DPP10: variants seen among roughly 807,000 people sequenced by gnomAD.
The protein encoded by DPP10 is inactive dipeptidyl peptidase 10.
Under a neutral mutation model 120.9 loss-of-function variants are expected in DPP10, and 33 were observed. The observed-to-expected ratio is 0.27, with a 90% CI of 0.21 to 0.37. The LOEUF is 0.37. Ranked by LOEUF, DPP10 falls within the 10% of genes least tolerant of loss-of-function variation. The pLI, the probability that DPP10 is intolerant of heterozygous loss-of-function variation, is 1.00. For missense variants in DPP10, 816 were observed against 942.8 expected (o/e 0.87, Z 1.76); for synonymous variants, 337 against 326.1 (o/e 1.03, Z -0.36).
intron 21 of DPP10, among the ~76,000 whole-genome samples, chr2:115,826,237 A>C (rs1688301592): frequency 6.6e-6 from 1 of 152,224 alleles, no homozygotes; most frequent in South Asian, 2.1e-4. Context: ...GTTGAGGCCT[A>C]GTGCAGTAGC....
At chr2:115,493,334 G>A (rs1202065282) in intron 3 of DPP10, among the ~76,000 whole-genome samples, 3 of 151,804 alleles carry the variant, frequency 2.0e-5, no homozygotes, top group Admixed American at 6.6e-5. Context: ...TTGAGGGAGA[G>A]TAGAGCCAAA....
chr2:114,631,949 G>A (rs533600380), intron 1 of DPP10, among the ~76,000 whole-genome samples: 10 of 151,962 alleles, frequency 6.6e-5, no homozygotes, highest in Non-Finnish European at 8.8e-5. Context: ...TATTCCATTC[G>A]TTGCTTTTTA....
At chr2:115,032,281 A>T (rs1703896130) in intron 1 of DPP10, among the ~76,000 whole-genome samples, 1 of 152,094 alleles carries the variant, frequency 6.6e-6, no homozygotes, top group African/African-American at 2.4e-5. Context: ...ATGTCACAGC[A>T]GCTGCATTTT....
intron 1 of DPP10, among the ~76,000 whole-genome samples, chr2:114,976,648 T>G (rs565559105): frequency 1.3e-5 from 2 of 152,204 alleles, no homozygotes; most frequent in African/African-American, 2.4e-5. Context: ...AACAGCATAC[T>G]TTTTCCCCCT....
intron 1 of DPP10, among the ~76,000 whole-genome samples, chr2:114,469,052 C>T (rs140079886): frequency 0.032 from 4,925 of 152,160 alleles, 162 homozygotes; most frequent in Admixed American, 0.094. Flanking sequence ...GTTTGTTTTT[C>T]GATAGGCATG....
chr2:115,255,512 A>G (rs1008926930), intron 1 of DPP10, among the ~76,000 whole-genome samples: 5 of 152,148 alleles, frequency 3.3e-5, no homozygotes, highest in African/African-American at 1.2e-4. Context: ...AATTTCTGTA[A>G]CCAGCTTTAA....
Position 115,753,223 on chromosome 2 carries a change from G to A in DPP10, c.1000G>A (p.Val334Ile). 1.9e-6 allele frequency: 3 copies of A among 1,612,136 alleles called. No homozygotes were observed. Among genetic ancestry groups the A allele is most frequent in the Non-Finnish European group, 2.5e-6 (3 of 1,178,724 alleles). The change falls in exon 11 of 26, where the codon GTA becomes ATA. Residue 334 changes from valine to isoleucine, a missense_variant. By Grantham distance (29) the Val-to-Ile change is conservative. This residue lies in a region of DPP10 where 592 missense variants were observed against 649.0 expected (regional missense o/e 0.91). Transcript: ENST00000410059. ...VKWVSNTKTVVRWLNRAQNIS... is the reference protein window; with the variant it reads ...VKWVSNTKTVIRWLNRAQNIS... ...ATGGGTAAGCAATACCAAGACTGTG[G>A]TAAGATGGTTAAACCGAGCTCAGAA... is the stretch of plus-strand genomic sequence containing the variant.
At chr2:115,692,210 C>T (rs1031170058) in intron 7 of DPP10, among the ~76,000 whole-genome samples, 1 of 14,816 alleles carries the variant, frequency 6.7e-5, no homozygotes, top group East Asian at 5.9e-3. Context: ...TTAAGTTTTA[C>T]AATTTTTTTT....
At chr2:115,323,085 A>T (rs1411301154) in intron 2 of DPP10, among the ~76,000 whole-genome samples, 9 of 152,186 alleles carry the variant, frequency 5.9e-5, no homozygotes, top group Non-Finnish European at 1.2e-4. Flanking sequence ...TATCCATAGC[A>T]TGCACTGCTG....
chr2:114,562,818 C>A (rs2104954267), intron 1 of DPP10, among the ~76,000 whole-genome samples: 1 of 152,160 alleles, frequency 6.6e-6, no homozygotes, highest in East Asian at 1.9e-4. Context: ...TATATGTAAC[C>A]TTTCCAAATT....
chr2:114,501,540 G>A (rs1490412761), intron 1 of DPP10, among the ~76,000 whole-genome samples: 1 of 152,278 alleles, frequency 6.6e-6, no homozygotes, highest in East Asian at 1.9e-4. Context: ...CCTTTATCAA[G>A]CGATCTCCTA....
intron 5 of DPP10, among the ~76,000 whole-genome samples, chr2:115,680,719 T>C (rs568146802): frequency 1.8e-4 from 27 of 151,920 alleles, no homozygotes; most frequent in Non-Finnish European, 3.1e-4. Context: ...AGAGTAAACA[T>C]ATAAAGTTTT....
chr2:114,690,172 A>C (rs543308078), intron 1 of DPP10, among the ~76,000 whole-genome samples: 24 of 152,086 alleles, frequency 1.6e-4, no homozygotes, highest in Non-Finnish European at 3.4e-4. Context: ...CTATATACTG[A>C]ATGGTATTGC....
chr2:115,553,970 A>C (rs1487010003), intron 5 of DPP10, among the ~76,000 whole-genome samples: 5 of 148,760 alleles, frequency 3.4e-5, no homozygotes, highest in Non-Finnish European at 7.4e-5. Flanking sequence ...GTTAGCTTCT[A>C]AGCTCCGACA....
intron 1 of DPP10, among the ~76,000 whole-genome samples, chr2:115,302,481 G>C (rs577420896): frequency 6.6e-6 from 1 of 152,006 alleles, no homozygotes; most frequent in East Asian, 1.9e-4. Flanking sequence ...GCCAGGTATA[G>C]TGGTACATTT....
intron 7 of DPP10, among the ~76,000 whole-genome samples, chr2:115,718,007 GA>G (rs981127609): frequency 3.7e-4 from 56 of 151,906 alleles, no homozygotes; most frequent in African/African-American, 1.3e-3. Flanking sequence ...CAAATAAGAG[GA>G]AAAAAATGTA....
Position 114,952,173 on chromosome 2 carries a change from T to C in DPP10, c.61-357066T>C, listed in dbSNP as rs138282233. Among the ~76,000 whole-genome samples, 261 of 152,092 alleles carry C rather than the reference T, an allele frequency of 1.7e-3. 2 individuals are homozygous for C. Among genetic ancestry groups the C allele is most frequent in the African/African-American group, 6.0e-3 (249 of 41,534 alleles). ...GTTATAAAATAATCTAAGTAATTAA[T>C]AAATGTGTATTGTGTATGATAAAGT... On this transcript the variant is annotated intron_variant, in intron 1 of 25. Transcript: ENST00000410059.
In DPP10 at chr2:114,944,184, C is replaced by T. The variant is rs556511229; in HGVS notation, c.61-365055C>T. On this transcript the variant is annotated intron_variant, in intron 1 of 25. Coordinates refer to ENST00000410059, the MANE Select transcript of DPP10 (RefSeq NM_020868.6). ...AAAATGTTCTTTCCCTGGGTATGCACATTTAAAGTAGATATTTCCTTGATG... is the reference window on the plus strand; with the variant it reads ...AAAATGTTCTTTCCCTGGGTATGCATATTTAAAGTAGATATTTCCTTGATG... Among the ~76,000 whole-genome samples the T allele has an allele frequency of 1.3e-4, 20 of 152,198 alleles. No individual in the cohort carries two copies. The Middle Eastern group carries it at 0.014, about 104-fold the overall frequency.
intron 5 of DPP10, among the ~76,000 whole-genome samples, chr2:115,532,645 A>G (rs1273864245): frequency 1.3e-5 from 2 of 152,032 alleles, no homozygotes; most frequent in African/African-American, 2.4e-5. Flanking sequence ...AAAATAGTCA[A>G]TGAAATAATC....
Sources: allele counts gnomAD v4.1 joint callset (sites outside exome capture counted in the v4.1 genomes callset), GRCh38; gene constraint gnomAD v4.1.1; regional missense constraint gnomAD v4.1.1; transcripts MANE v1.5; gene names NCBI Gene and HGNC (gene_info 2026-07-23, HGNC 2026-07-21).